The following GRIK2 variants were observed in gnomAD, a reference collection of about 807,000 sequenced individuals.
The protein encoded by GRIK2 is glutamate ionotropic receptor kainate type subunit 2, also known as glutamate receptor ionotropic, kainate 2.
In GRIK2, 32 loss-of-function variants were observed where a neutral mutation model predicts 100.3. The observed-to-expected ratio is 0.32, with a 90% CI of 0.24 to 0.43. The LOEUF (loss-of-function observed/expected upper bound fraction) is 0.43. GRIK2 is among the 20% of genes least tolerant of loss of function. GRIK2 has a pLI of 1.00. For missense variants in GRIK2, 843 were observed against 1,114.9 expected (o/e 0.76, Z 3.47); for synonymous variants, 417 against 389.4 (o/e 1.07, Z -0.83).
intron 14 of GRIK2, among the ~76,000 whole-genome samples, chr6:101,991,244 C>T (rs1794355727): frequency 6.6e-6 from 1 of 150,704 alleles, no homozygotes; most frequent in African/African-American, 2.4e-5. Context: ...ATAGCTTACA[C>T]ATAAATTATT....
intron 2 of GRIK2, among the ~76,000 whole-genome samples, chr6:101,493,951 AAT>A (rs966407061): frequency 2.1e-4 from 29 of 137,570 alleles, no homozygotes; most frequent in African/African-American, 5.4e-4. Context: ...ATTTATATAT[AAT>A]ATATATATTT....
chr6:101,655,951 G>A (rs1028677039), intron 4 of GRIK2, among the ~76,000 whole-genome samples: 2 of 149,908 alleles, frequency 1.3e-5, no homozygotes, highest in African/African-American at 4.8e-5. Flanking sequence ...TATTAGGACT[G>A]AAAAATTAAG....
At chr6:101,728,191 T>C (rs1313354808) in intron 7 of GRIK2, among the ~76,000 whole-genome samples, 2 of 152,110 alleles carry the variant, frequency 1.3e-5, no homozygotes, top group African/African-American at 2.4e-5. Flanking sequence ...AGTATTTAAT[T>C]TGGAAGCAAA....
At chr6:101,604,306 A>G (rs1211068028) in intron 2 of GRIK2, among the ~76,000 whole-genome samples, 1 of 151,842 alleles carries the variant, frequency 6.6e-6, no homozygotes, top group East Asian at 1.9e-4. Context: ...TTACAACACC[A>G]GCTGCATGTA....
At chr6:101,899,086 T>C (rs1347780632) in intron 12 of GRIK2, among the ~76,000 whole-genome samples, 1 of 150,608 alleles carries the variant, frequency 6.6e-6, no homozygotes, top group African/African-American at 2.4e-5. Context: ...GAGAGAGGTT[T>C]CTTTTTGTTG....
At chr6:101,702,351 T>C (rs903827396) in intron 7 of GRIK2, among the ~76,000 whole-genome samples, 1 of 151,974 alleles carries the variant, frequency 6.6e-6, no homozygotes, top group Non-Finnish European at 1.5e-5. Context: ...TCTACATTAA[T>C]ACATTTAGGA....
chr6:102,043,892 A>ACTT (rs1770734905), intron 15 of GRIK2, among the ~76,000 whole-genome samples: 1 of 123,406 alleles, frequency 8.1e-6, no homozygotes, highest in African/African-American at 2.8e-5. Context: ...AGGAGTTTTC[A>ACTT]CTTTTACTTC....
At chr6:101,611,820 C>T (rs760007974) in intron 2 of GRIK2, among the ~76,000 whole-genome samples, 3 of 151,856 alleles carry the variant, frequency 2.0e-5, no homozygotes, top group Non-Finnish European at 2.9e-5. Flanking sequence ...GGTGTGTCCA[C>T]GGGTCACATG....
intron 16 of GRIK2, among the ~76,000 whole-genome samples, chr6:102,062,776 A>C (rs2114527389): frequency 6.6e-6 from 1 of 150,774 alleles, no homozygotes; most frequent in South Asian, 2.1e-4. Flanking sequence ...GCTGCCAATC[A>C]AAACAGTTAT....
chr6:101,974,421 G>T (rs1019345295), intron 14 of GRIK2, among the ~76,000 whole-genome samples: 44 of 151,894 alleles, frequency 2.9e-4, no homozygotes, highest in African/African-American at 1.0e-3. Context: ...AGCTAAAAAA[G>T]TGGCGGGTGC....
intron 7 of GRIK2, among the ~76,000 whole-genome samples, chr6:101,794,413 T>C: frequency 6.6e-6 from 1 of 152,192 alleles, no homozygotes; most frequent in Admixed American, 6.5e-5. Context: ...AAAAATCCAT[T>C]CAGCTAGTCA....
rs186994787 is a variant in GRIK2, at chr6:101,921,843, T to G, written c.1749-2758T>G. 3.3e-4 allele frequency among the ~76,000 whole-genome samples: 50 copies of G among 152,256 alleles called. No homozygotes were observed. In the East Asian group the frequency reaches 8.7e-3, roughly 26 times the overall value. ...CCATAAAGAGCAAATTGGAAATTCATATTGGAGACCATTTTTCTTAGCCTG... is the reference window on the plus strand; with the variant it reads ...CCATAAAGAGCAAATTGGAAATTCAGATTGGAGACCATTTTTCTTAGCCTG... On this transcript the variant is annotated intron_variant, in intron 12 of 16. Coordinates refer to ENST00000369134, the MANE Select transcript of GRIK2 (RefSeq NM_021956.5).
chr6:101,628,570 T>C (rs1453043489), intron 4 of GRIK2, among the ~76,000 whole-genome samples: 4 of 152,082 alleles, frequency 2.6e-5, no homozygotes, highest in Non-Finnish European at 5.9e-5. Context: ...ATGATTTCTG[T>C]GAGTATGTGT....
At chr6:101,780,279 CT>C (rs1280942676) in intron 7 of GRIK2, among the ~76,000 whole-genome samples, 3 of 152,178 alleles carry the variant, frequency 2.0e-5, no homozygotes, top group Admixed American at 2.0e-4. Flanking sequence ...CTAGTTTCCC[CT>C]CCTTTGCCCA....
intron 2 of GRIK2, among the ~76,000 whole-genome samples, chr6:101,509,460 C>T (rs930843968): frequency 6.6e-6 from 1 of 152,150 alleles, no homozygotes; most frequent in African/African-American, 2.4e-5. Context: ...TTCAAGACAG[C>T]TCTCCAATTC....
intron 16 of GRIK2, among the ~76,000 whole-genome samples, chr6:102,058,830 A>G (rs1032861072): frequency 6.6e-6 from 1 of 151,446 alleles, no homozygotes; most frequent in Non-Finnish European, 1.5e-5. Flanking sequence ...TGCCCATTGA[A>G]GGAAAGCACG....
intron 14 of GRIK2, among the ~76,000 whole-genome samples, chr6:101,959,063 C>A (rs1014246889): frequency 6.6e-6 from 1 of 151,918 alleles, no homozygotes; most frequent in Non-Finnish European, 1.5e-5. Context: ...GGAGGATTCT[C>A]TTCTCATCAA....
chr6:101,997,159 C>T (rs953376504), intron 14 of GRIK2, among the ~76,000 whole-genome samples: 43 of 151,800 alleles, frequency 2.8e-4, no homozygotes, highest in African/African-American at 1.0e-3. Flanking sequence ...ATTAAGTTTG[C>T]TTTTGTTTCT....
chr6:101,761,396 C>G (rs1289274822), intron 7 of GRIK2, among the ~76,000 whole-genome samples: 2 of 151,936 alleles, frequency 1.3e-5, no homozygotes, highest in Non-Finnish European at 2.9e-5. Context: ...ATACAGGTTC[C>G]CCTAAAGGCA....
Sources: gnomAD v4.1 joint callset for allele counts (sites outside exome capture counted in the v4.1 genomes callset) on GRCh38, gnomAD v4.1.1 for gene constraint, MANE v1.5 for transcripts, NCBI Gene and HGNC (gene_info 2026-07-23, HGNC 2026-07-21) for gene names.